The following RBFOX2 variants were observed in gnomAD, a reference collection of about 807,000 sequenced individuals.
RBFOX2 encodes RNA binding protein fox-1 homolog 2.
In RBFOX2, 10 loss-of-function variants were observed where a neutral mutation model predicts 49.1. The ratio of observed to expected loss-of-function variants is 0.20; its 90% CI spans 0.13 to 0.35. The LOEUF (loss-of-function observed/expected upper bound fraction) is 0.35, where lower values mean the gene tolerates loss of function less well. Ranked by LOEUF, RBFOX2 falls within the 10% of genes least tolerant of loss-of-function variation. The pLI is 1.00. For missense variants in RBFOX2, 323 were observed against 486.9 expected (o/e 0.66, Z 3.17); for synonymous variants, 183 against 187.4 (o/e 0.98, Z 0.19).
upstream of RBFOX2, among the ~76,000 whole-genome samples, chr22:35,842,771 T>C (rs935565037): frequency 6.6e-6 from 1 of 151,724 alleles, no homozygotes; most frequent in Non-Finnish European, 1.5e-5. Context: ...CCATACATCA[T>C]GGAAAGAGAC....
intron 1 of RBFOX2, among the ~76,000 whole-genome samples, chr22:35,982,479 GTC>G (rs374514580): frequency 1.3e-5 from 2 of 151,228 alleles, no homozygotes; most frequent in South Asian, 2.1e-4. Context: ...GTCATGGACT[GTC>G]TCTCTCTCTC....
At chr22:35,969,133 C>A (rs548846026) in intron 1 of RBFOX2, among the ~76,000 whole-genome samples, 1 of 152,282 alleles carries the variant, frequency 6.6e-6, no homozygotes, top group African/African-American at 2.4e-5. Context: ...ACTCTCCTTG[C>A]ACACTGCCCT....
Position 35,759,372 on chromosome 22 carries a change from C to T in RBFOX2, c.887+516G>A, listed in dbSNP as rs905140785. On this transcript the variant is annotated intron_variant, in intron 9 of 11. Transcript: ENST00000405409. This position sits in a 1 kb window ranked among gnomAD's most constrained non-coding sequence, Gnocchi z 4.6. ...ATCTTAGAATTAACCTCTTTTAATCCGTTTCCTACAAAGAAAGCAAATCCA... is the reference window on the plus strand; with the variant it reads ...ATCTTAGAATTAACCTCTTTTAATCTGTTTCCTACAAAGAAAGCAAATCCA... Among the ~76,000 whole-genome samples, 2 of 152,152 alleles carry T rather than the reference C, an allele frequency of 1.3e-5. No homozygotes were observed. The highest frequency in any genetic ancestry group is 2.4e-5 in the African/African-American group (1 of 41,418).
At chr22:35,819,857 T>G (rs536438159) in intron 1 of RBFOX2, among the ~76,000 whole-genome samples, 2 of 152,326 alleles carry the variant, frequency 1.3e-5, no homozygotes, top group South Asian at 4.1e-4. Flanking sequence ...ACAGAGAATT[T>G]CTATTTTCTA....
chr22:35,869,370 G>C (rs1267070973), intron 1 of RBFOX2, among the ~76,000 whole-genome samples: 1 of 149,276 alleles, frequency 6.7e-6, no homozygotes, highest in Non-Finnish European at 1.5e-5. Context: ...TCCAGTCCAG[G>C]CTGGTCTGGA....
At chr22:35,800,485 T>C (rs1290600122) in intron 2 of RBFOX2, among the ~76,000 whole-genome samples, 1 of 152,204 alleles carries the variant, frequency 6.6e-6, no homozygotes, top group Non-Finnish European at 1.5e-5. Context: ...AAAGCTTCAA[T>C]CAAGTAGAAA....
At chr22:35,773,532 T>C (rs1285914858) in intron 4 of RBFOX2, among the ~76,000 whole-genome samples, 1 of 152,008 alleles carries the variant, frequency 6.6e-6, no homozygotes, top group African/African-American at 2.4e-5. Context: ...ACATATACCC[T>C]GAAAATATGT....
chr22:35,788,707 C>A (rs1276658111), intron 2 of RBFOX2, among the ~76,000 whole-genome samples: 1 of 152,212 alleles, frequency 6.6e-6, no homozygotes, highest in African/African-American at 2.4e-5. Flanking sequence ...TTCTCTCTTG[C>A]AGCTTGTAGG....
chr22:35,758,936 C>A (rs1379764426), intron 9 of RBFOX2, among the ~76,000 whole-genome samples: 3 of 152,084 alleles, frequency 2.0e-5, no homozygotes, highest in Non-Finnish European at 4.4e-5. Context: ...TAAGTAGCAG[C>A]CAACAAGCTT....
At chr22:35,907,941 T>C (rs1202057940) in intron 1 of RBFOX2, among the ~76,000 whole-genome samples, 1 of 152,050 alleles carries the variant, frequency 6.6e-6, no homozygotes, top group Non-Finnish European at 1.5e-5. Context: ...GCCACTGTGC[T>C]CTACCCAAAA....
At chr22:35,943,451 C>CTT (rs1420401013), upstream of RBFOX2, among the ~76,000 whole-genome samples, 3 of 152,152 alleles carry the variant, frequency 2.0e-5, no homozygotes, top group African/African-American at 7.2e-5. Flanking sequence ...GGCACAGAGA[C>CTT]TGCTCAAAAA....
intron 1 of RBFOX2, among the ~76,000 whole-genome samples, chr22:35,820,067 T>C (rs1303059375): frequency 2.0e-5 from 3 of 152,082 alleles, no homozygotes; most frequent in Non-Finnish European, 4.4e-5. Context: ...GGAGTAAGCA[T>C]GGAACAGAGT....
intron 1 of RBFOX2, chr22:35,898,338 T>C (rs931985988): frequency 5.7e-6 from 4 of 701,928 alleles, no homozygotes; most frequent in South Asian, 1.5e-5. Context: ...GATGTGGCTA[T>C]TGCAGTAATG....
In RBFOX2 at chr22:35,749,668, T is replaced by C. The variant is rs1303545109; in HGVS notation, c.888-3107A>G. 6.6e-6 allele frequency among the ~76,000 whole-genome samples: 1 copy of C among 152,150 alleles called. No individual in the cohort carries two copies. Among genetic ancestry groups the C allele is most frequent in the Non-Finnish European group, 1.5e-5 (1 of 68,022 alleles). ...TAGAAATTTCAGGCTGAGAAACCGT[T>C]TTTTCAGCTTTCACTCTTACTAGCA... On this transcript the variant is annotated intron_variant, in intron 9 of 11. Transcript: ENST00000405409. This position sits in a 1 kb window ranked among gnomAD's most constrained non-coding sequence, Gnocchi z 4.1.
intron 1 of RBFOX2, among the ~76,000 whole-genome samples, chr22:35,891,193 G>A (rs2047194724): frequency 6.6e-6 from 1 of 151,912 alleles, no homozygotes; most frequent in African/African-American, 2.4e-5. Context: ...GAAAGCAGTG[G>A]CGTGATCTCG....
At chr22:35,883,498 C>T (rs1463958175) in intron 1 of RBFOX2, among the ~76,000 whole-genome samples, 2 of 152,150 alleles carry the variant, frequency 1.3e-5, no homozygotes, top group African/African-American at 2.4e-5. Flanking sequence ...ATCTTTAGAC[C>T]GCCATTCTCC....
At chr22:35,889,722 TG>T (rs558146117) in intron 1 of RBFOX2, among the ~76,000 whole-genome samples, 3 of 152,206 alleles carry the variant, frequency 2.0e-5, no homozygotes, top group Non-Finnish European at 4.4e-5. Flanking sequence ...TGACCTTAAA[TG>T]TTATCTGAAC....
At chr22:35,928,802 A>C (rs1345935488) in intron 1 of RBFOX2, among the ~76,000 whole-genome samples, 2 of 152,180 alleles carry the variant, frequency 1.3e-5, no homozygotes, top group Non-Finnish European at 2.9e-5. Context: ...TAGACATCTC[A>C]CCAAAGCAAA....
chr22:35,999,600 C>T (rs943505497), intron 1 of RBFOX2: 1 of 151,924 alleles, frequency 6.6e-6, no homozygotes, highest in African/African-American at 2.4e-5. Context: ...GACCATTATA[C>T]TTTAGAGGGA....
Sources: gnomAD v4.1 joint callset for allele counts (sites outside exome capture counted in the v4.1 genomes callset) on GRCh38, gnomAD v4.1.1 for gene constraint, Gnocchi (gnomAD v3.1) non-coding constraint, MANE v1.5 for transcripts, NCBI Gene and HGNC (gene_info 2026-07-23, HGNC 2026-07-21) for gene names.